Variants in RNPC3 observed in about 807,000 individuals in gnomAD.
RNPC3 encodes the protein RNA-binding region-containing protein 3.
A neutral mutation model predicts 67.5 loss-of-function variants in RNPC3; 48 were observed. The ratio of observed to expected loss-of-function variants is 0.71; its 90% confidence interval spans 0.56 to 0.90. The LOEUF is 0.90. Ranked by LOEUF, RNPC3 falls within the 40% of genes least tolerant of loss-of-function variation. The probability of loss-of-function intolerance (pLI) is 0.00; values close to 1 mark genes in which losing one functional copy is unlikely to be tolerated. For missense variants in RNPC3, 637 were observed against 626.1 expected (o/e 1.02, Z -0.19); for synonymous variants, 239 against 210.3 (o/e 1.14, Z -1.18).
chr1:103,545,288 C>T (rs1286365310), intron 10 of RNPC3, 186 bp downstream of exon 10: 2 of 471,856 alleles, frequency 4.2e-6, no homozygotes, highest in East Asian at 4.3e-5. Context: ...GTGGAGGGAA[C>T]GTTCCTTTCC....
Position 103,533,778 on chromosome 1 carries a change from A to T in RNPC3, c.280A>T (p.Thr94Ser). ...RLHQLKLLGH[T>S]LVVEFAKEQD... is the part of the protein sequence containing the mutation. ...CCATCAACTGAAACTTTTAGGTCAT[A>T]CTTTAGTCGTTGAATTTGCAAAAGA... The change falls in exon 3 of 15, where the codon ACT (threonine) becomes TCT (serine). Residue 94 changes from threonine to serine, a missense_variant. Around this residue, in one of 3 missense-constraint regions of RNPC3, gnomAD observed 536 missense variants for 500.3 expected, o/e 1.07. Transcript: ENST00000423855. The T allele has an allele frequency of 6.5e-7, 1 of 1,534,968 alleles. No homozygotes were observed. Among genetic ancestry groups the T allele is most frequent in the Non-Finnish European group, 8.7e-7 (1 of 1,145,352 alleles).
chr1:103,541,320 T>G, intron 7 of RNPC3, 30 bp from the exon 8 acceptor site: 2 of 1,465,862 alleles, frequency 1.4e-6, no homozygotes, highest in South Asian at 1.3e-5. Flanking sequence ...AGAAAGGAAA[T>G]TTTGTTTATC....
At chr1:103,535,162 G>A (rs1248419656) in intron 4 of RNPC3, among the ~76,000 whole-genome samples, 168 bp from the exon 5 acceptor site, 2 of 151,974 alleles carry the variant, frequency 1.3e-5, no homozygotes, top group South Asian at 2.1e-4. Flanking sequence ...GCCAAGAAAT[G>A]CAGTAGCTTA....
At chr1:103,542,540 G>A (rs935471432) in intron 8 of RNPC3, among the ~76,000 whole-genome samples, 5 of 151,894 alleles carry the variant, frequency 3.3e-5, no homozygotes, top group Admixed American at 6.6e-5. Context: ...TAAATAATTT[G>A]CAGATTTGGG....
intron 12 of RNPC3, among the ~76,000 whole-genome samples, chr1:103,550,404 C>A (rs1165367670): frequency 6.6e-6 from 1 of 151,768 alleles, no homozygotes; most frequent in Non-Finnish European, 1.5e-5. Flanking sequence ...GAGGCCGAGG[C>A]GGGCAGATCA....
At chr1:103,528,038 A>G (rs1570613989) in intron 2 of RNPC3, among the ~76,000 whole-genome samples, 1 of 152,246 alleles carries the variant, frequency 6.6e-6, no homozygotes, top group Non-Finnish European at 1.5e-5. Flanking sequence ...AAAGGAGAAT[A>G]TACATTTCTT....
intron 2 of RNPC3, among the ~76,000 whole-genome samples, chr1:103,528,819 G>T (rs190775257): frequency 1.1e-3 from 160 of 152,268 alleles, no homozygotes; most frequent in Non-Finnish European, 2.9e-4. Flanking sequence ...GAACTAGAAA[G>T]GAAATTATCA....
rs1233401621 is a variant in RNPC3 at position 103,541,422 on chromosome 1, A to G, written c.840A>G (p.Arg280=). Residue 280 remains arginine (R), a synonymous_variant, in exon 8 of 15, where the codon AGA becomes AGG. Coordinates refer to ENST00000423855, the MANE Select transcript of RNPC3 (RefSeq NM_017619.4). ...AAACAATAAAGCAGCGCCATGTGAG[A>G]AAAAAGAGAAAAATAAAGGATATGT... ...RPKTIKQRHV[R]KKRKIKDMLN... 1.3e-6 allele frequency: 2 copies of G among 1,493,996 alleles called. No individual in the cohort carries two copies. The highest frequency in any genetic ancestry group is 1.8e-6 in the Non-Finnish European group (2 of 1,133,038). 92.5% of individuals were successfully genotyped at this position (1,493,996 alleles called of 1,614,324 possible). A position where few individuals can be genotyped will look rare whatever the true frequency, so the allele number is the denominator to read the frequency against.
At chr1:103,534,881 T>C in intron 4 of RNPC3, 24 bp downstream of exon 4, 2 of 1,436,808 alleles carry the variant, frequency 1.4e-6, no homozygotes, top group Non-Finnish European at 1.9e-6. Context: ...TTTGCTTTTC[T>C]TTTGCTTTTG....
chr1:103,535,006 G>T, intron 4 of RNPC3, 149 bp downstream of exon 4: 1 of 532,326 alleles, frequency 1.9e-6, no homozygotes. Flanking sequence ...ATATCTTATT[G>T]CAAATAAGAT....
chr1:103,542,404 A>T (rs2101048969), intron 8 of RNPC3, among the ~76,000 whole-genome samples: 1 of 152,082 alleles, frequency 6.6e-6, no homozygotes, highest in East Asian at 1.9e-4. Flanking sequence ...AGCTAGAAGG[A>T]TGTGAAACCT....
chr1:103,537,846 A>T (rs1651029478), intron 7 of RNPC3, among the ~76,000 whole-genome samples: 1 of 151,804 alleles, frequency 6.6e-6, no homozygotes, highest in South Asian at 2.1e-4. Flanking sequence ...TATTATTATT[A>T]TTATTATTAT....
rs966797218 is a variant in RNPC3, at chr1:103,526,086, C to T, written c.16C>T (p.Gln6Ter). ...TCCAAGGAAAATGGCAGCTCCCGAG[C>T]AGCCGCTTGCGATATCAAGGGGATG... is the stretch of plus-strand genomic sequence containing the variant. MAAPE[Q>*]PLAISRGCTS... Residue 6 changes from glutamine to a stop codon, truncating the protein, a stop_gained, in exon 1 of 15, where the codon CAG (glutamine) becomes TAG (stop). Coordinates refer to ENST00000423855, the MANE Select transcript of RNPC3 (RefSeq NM_017619.4). LOFTEE classifies it high-confidence loss of function. 1.3e-6 allele frequency: 2 copies of T among 1,537,648 alleles called. No homozygotes were observed. Among genetic ancestry groups the T allele is most frequent in the East Asian group, 2.5e-5 (1 of 40,178 alleles).
chr1:103,551,769 A>C lies in RNPC3; in HGVS notation c.1543A>C (p.Arg515=). The C allele has an allele frequency of 1.3e-6, 2 of 1,512,432 alleles. No individual in the cohort carries two copies. The highest frequency in any genetic ancestry group is 1.8e-6 in the Non-Finnish European group (2 of 1,120,236). The allele number at this position is 1,512,432 out of a possible 1,614,324, so 93.7% of individuals were successfully genotyped here. ...AAAACAAGATCCTAAGGAAGGAAAA[A>C]GAAAGTGTTAAAAATTAATAAAGGT... ...RPKQDPKEGK[R]KC Residue 515 remains arginine (R), a synonymous_variant, in exon 14 of 15, where the codon AGA becomes CGA. Transcript: ENST00000423855.
rs1451026303 is a variant in RNPC3, at chr1:103,551,923, T to G, written c.*12+131T>G. 3 of 504,590 alleles carry G rather than the reference T, an allele frequency of 5.9e-6. No homozygotes were observed. The African/African-American group carries it at 6.1e-5, about 10-fold the overall frequency. 31.3% of individuals were successfully genotyped at this position (504,590 alleles called of 1,614,324 possible). On this transcript the variant is annotated intron_variant, in intron 14 of 14. Transcript: ENST00000423855. ...TTTGAGGAAATACCTATCTGTGCAG[T>G]TAAGTCCCATTAAACGTCAAAACTA...
chr1:103,528,397 A>G (rs1334663489), intron 2 of RNPC3, among the ~76,000 whole-genome samples: 2 of 152,224 alleles, frequency 1.3e-5, no homozygotes, highest in Admixed American at 6.5e-5. Flanking sequence ...TAGGAGACCA[A>G]ATGGAAGGCT....
At chr1:103,538,335 G>T (rs1411593792) in intron 7 of RNPC3, among the ~76,000 whole-genome samples, 3 of 151,926 alleles carry the variant, frequency 2.0e-5, no homozygotes, top group African/African-American at 7.3e-5. Context: ...TCACATTTTT[G>T]AGTTTTTTTG....
Position 103,551,762 on chromosome 1 carries a change from A to G in RNPC3, c.1536A>G (p.Glu512=). The G allele has an allele frequency of 2.6e-6, 4 of 1,524,690 alleles. No individual in the cohort carries two copies. Among genetic ancestry groups the G allele is most frequent in the Non-Finnish European group, 3.5e-6 (4 of 1,130,668 alleles). 94.4% of individuals were successfully genotyped at this position (1,524,690 alleles called of 1,614,324 possible). ...CTAGACCAAAACAAGATCCTAAGGA[A>G]GGAAAAAGAAAGTGTTAAAAATTAA... The part of the protein sequence containing the change: ...RSARPKQDPK[E]GKRKC The change falls in exon 14 of 15, where the codon GAA becomes GAG. Residue 512 remains glutamate, a synonymous_variant. Coordinates refer to ENST00000423855, the MANE Select transcript of RNPC3 (RefSeq NM_017619.4).
At position 103,533,848 on chromosome 1, in the gene RNPC3, A is replaced by G; in HGVS notation, c.350A>G (p.Lys117Arg). Residue 117 changes from lysine to arginine, a missense_variant, in exon 3 of 15, where the codon AAA becomes AGA. By Grantham distance (26) the Lys-to-Arg change is conservative. This residue lies in a region of RNPC3 where 536 missense variants were observed against 500.3 expected (regional missense o/e 1.07). Transcript: ENST00000423855. The stretch of plus-strand genomic sequence containing the variant: ...CCATGTCCCACTTCAGGCTCTGAAA[A>G]AAAAAAAAGGTATGTAGATCAGTAA... ...HSPCPTSGSE[K>R]KKRSDDPVED... is the part of the protein sequence containing the mutation. The G allele has an allele frequency of 1.4e-6, 2 of 1,460,568 alleles. No homozygotes were observed. Among genetic ancestry groups the G allele is most frequent in the Non-Finnish European group, 9.2e-7 (1 of 1,083,034 alleles). 90.5% of individuals were successfully genotyped at this position (1,460,568 alleles called of 1,614,324 possible).
Sources: gnomAD v4.1 joint callset for allele counts (sites outside exome capture counted in the v4.1 genomes callset) on GRCh38, gnomAD v4.1.1 for gene constraint, gnomAD v4.1.1 regional missense constraint, MANE v1.5 for transcripts, NCBI Gene and HGNC (gene_info 2026-07-23, HGNC 2026-07-21) for gene names.